The following AP3S1 variants were observed in gnomAD, a reference collection of about 807,000 sequenced individuals.
AP3S1 encodes the protein AP-3 complex subunit sigma-1.
Under a neutral mutation model 21.3 loss-of-function variants are expected in AP3S1, and 12 were observed. That is an observed-to-expected ratio of 0.56 (90% confidence interval 0.36 to 0.91). AP3S1 has a LOEUF of 0.91. AP3S1 is among the 40% of genes least tolerant of loss of function. AP3S1 has a pLI of 0.01. For missense variants in AP3S1, 116 were observed against 225.0 expected (o/e 0.52, Z 3.10); for synonymous variants, 48 against 78.4 (o/e 0.61, Z 2.05).
chr5:115,846,963 A>G (rs542997151), intron 1 of AP3S1, among the ~76,000 whole-genome samples: 22 of 152,342 alleles, frequency 1.4e-4, no homozygotes, highest in African/African-American at 5.0e-4. Flanking sequence ...TTCCAAAAGT[A>G]TTTGATTCAG....
chr5:115,883,759 G>C (rs453876), intron 3 of AP3S1, among the ~76,000 whole-genome samples: 139,880 of 152,306 alleles, frequency 0.92, 64,555 homozygotes, highest in African/African-American at 0.98. Flanking sequence ...ATTTTTAGGC[G>C]AAATACCATT....
At chr5:115,885,419 A>G (rs1462644542) in intron 3 of AP3S1, among the ~76,000 whole-genome samples, 1 of 152,188 alleles carries the variant, frequency 6.6e-6, no homozygotes, top group African/African-American at 2.4e-5. Context: ...ACTGGTGTAA[A>G]TCCAAGAGTC....
intron 2 of AP3S1, among the ~76,000 whole-genome samples, chr5:115,868,608 G>A (rs1379648728): frequency 6.6e-6 from 1 of 151,962 alleles, no homozygotes; most frequent in Non-Finnish European, 1.5e-5. Context: ...CTGGCCAGGC[G>A]CAGTGGCTCA....
chr5:115,843,535 G>A (rs977056682), intron 1 of AP3S1, among the ~76,000 whole-genome samples: 7 of 152,044 alleles, frequency 4.6e-5, no homozygotes, highest in Admixed American at 1.3e-4. Flanking sequence ...TGATCCTCCC[G>A]AATGGGAAAA....
intron 1 of AP3S1, among the ~76,000 whole-genome samples, chr5:115,851,251 C>T (rs545931297): frequency 1.3e-5 from 2 of 152,266 alleles, no homozygotes; most frequent in East Asian, 3.9e-4. Context: ...TGGGTTGCTT[C>T]CATCCTTTGG....
chr5:115,896,955 T>C (rs1248758635), intron 4 of AP3S1, among the ~76,000 whole-genome samples: 1 of 152,178 alleles, frequency 6.6e-6, no homozygotes, highest in Admixed American at 6.5e-5. Flanking sequence ...ATATTTTTTT[T>C]ACTAGAGAAA....
intron 1 of AP3S1, 29 bp downstream of exon 1, chr5:115,842,135 C>T (rs548944937): frequency 6.6e-7 from 1 of 1,519,216 alleles, no homozygotes. Flanking sequence ...CTGATCCGGG[C>T]GAGGGGGAGT....
At chr5:115,879,599 C>T (rs981567730) in intron 3 of AP3S1, among the ~76,000 whole-genome samples, 1 of 152,082 alleles carries the variant, frequency 6.6e-6, no homozygotes, top group African/African-American at 2.4e-5. Flanking sequence ...ATTCGGTTTG[C>T]CAGGATTTTA....
chr5:115,874,265 C>G (rs1161464570), intron 3 of AP3S1, among the ~76,000 whole-genome samples: 1 of 151,800 alleles, frequency 6.6e-6, no homozygotes, highest in Non-Finnish European at 1.5e-5. Flanking sequence ...GCCATATATG[C>G]TAGAGTTAAT....
chr5:115,896,599 C>T (rs1750772846), intron 4 of AP3S1, among the ~76,000 whole-genome samples: 1 of 151,950 alleles, frequency 6.6e-6, no homozygotes, highest in Admixed American at 6.6e-5. Context: ...GGCAACATGG[C>T]AAAACCTGGT....
At chr5:115,865,379 C>T (rs572928833) in intron 1 of AP3S1, among the ~76,000 whole-genome samples, 1 of 152,228 alleles carries the variant, frequency 6.6e-6, no homozygotes, top group East Asian at 1.9e-4. Flanking sequence ...TTTCCAAATG[C>T]ATGGGGGATC....
intron 3 of AP3S1, among the ~76,000 whole-genome samples, chr5:115,889,121 G>T (rs1038768082): frequency 6.6e-6 from 1 of 152,060 alleles, no homozygotes; most frequent in Non-Finnish European, 1.5e-5. Context: ...ATGCTATCAC[G>T]AACTTTTTTT....
intron 1 of AP3S1, among the ~76,000 whole-genome samples, chr5:115,857,713 G>GCTGCACCTATAT: frequency 6.6e-6 from 1 of 152,202 alleles, no homozygotes; most frequent in East Asian, 1.9e-4. Context: ...TTTATTACTT[G>GCTGCACCTATAT]TAGACATGAT....
At chr5:115,887,935 G>C (rs770873336) in intron 3 of AP3S1, among the ~76,000 whole-genome samples, 17 of 151,952 alleles carry the variant, frequency 1.1e-4, no homozygotes, top group Non-Finnish European at 2.5e-4. Flanking sequence ...TGGGAAAGGA[G>C]GACTCTTTAT....
rs1420205795 is a variant in AP3S1, at chr5:115,861,860, CTTTTCTTTTTT to C, written c.70-4805_70-4795del. 2.1e-3 allele frequency among the ~76,000 whole-genome samples: 254 copies of C among 120,120 alleles called. 3 individuals are homozygous for C. The highest frequency in any genetic ancestry group is 8.1e-3 in the African/African-American group (247 of 30,478). The allele number at this position is 120,120 out of a possible 152,430, so 78.8% of individuals were successfully genotyped here. A position where few individuals can be genotyped will look rare whatever the true frequency, so the allele number is the denominator to read the frequency against. Reference sequence around the variant, plus strand: ...CTGAACCAGGCCAAAATTTTCTTTTCTTTTCTTTTTTTTTTTTTTTTTTTGAGATGGGGTCT... The same window carrying C: ...CTGAACCAGGCCAAAATTTTCTTTTCTTTTTTTTTTTTTGAGATGGGGTCT... On this transcript the variant is annotated intron_variant, in intron 1 of 5. Transcript: ENST00000316788.
chr5:115,842,147 G>T (rs1205470315), intron 1 of AP3S1, 41 bp downstream of exon 1: 1 of 1,525,308 alleles, frequency 6.6e-7, no homozygotes, highest in Non-Finnish European at 8.8e-7. Flanking sequence ...AGGGGGAGTC[G>T]TTGGCGACGG....
intron 4 of AP3S1, among the ~76,000 whole-genome samples, chr5:115,896,536 T>G (rs1201278576): frequency 6.6e-6 from 1 of 152,294 alleles, no homozygotes; most frequent in East Asian, 1.9e-4. Context: ...CCCAGCAGTT[T>G]GGGAGGCTGA....
chr5:115,871,973 A>G (rs1748300225), intron 3 of AP3S1, among the ~76,000 whole-genome samples: 1 of 152,174 alleles, frequency 6.6e-6, no homozygotes, highest in Non-Finnish European at 1.5e-5. Context: ...ACCCAAGCAG[A>G]CAACTTAGGT....
At chr5:115,863,430 G>C (rs1763352342) in intron 1 of AP3S1, among the ~76,000 whole-genome samples, 1 of 151,692 alleles carries the variant, frequency 6.6e-6, no homozygotes, top group Admixed American at 6.6e-5. Flanking sequence ...AAAATTAGCT[G>C]GGCATGGTGG....
Sources: allele counts gnomAD v4.1 joint callset (sites outside exome capture counted in the v4.1 genomes callset), GRCh38; gene constraint gnomAD v4.1.1; transcripts MANE v1.5; gene names NCBI Gene and HGNC (gene_info 2026-07-23, HGNC 2026-07-21).